Variants in KCNIP4 observed in about 807,000 individuals in gnomAD.
The protein encoded by KCNIP4 is potassium voltage-gated channel interacting protein 4, also known as Kv channel-interacting protein 4.
In KCNIP4, 12 loss-of-function variants were observed where a neutral mutation model predicts 34.0. That is an observed-to-expected ratio of 0.35 (90% CI 0.23 to 0.57). The LOEUF is 0.57. KCNIP4 is among the 20% of genes least tolerant of loss of function. KCNIP4 has a pLI of 0.83. For missense variants in KCNIP4, 238 were observed against 311.7 expected (o/e 0.76, Z 1.78); for synonymous variants, 124 against 102.2 (o/e 1.21, Z -1.29).
chr4:21,347,828 A>G (rs1717607437), intron 1 of KCNIP4, among the ~76,000 whole-genome samples: 1 of 152,056 alleles, frequency 6.6e-6, no homozygotes, highest in Non-Finnish European at 1.5e-5. Context: ...TCTCAGGGAG[A>G]TAAGAAATAA....
intron 1 of KCNIP4, among the ~76,000 whole-genome samples, chr4:21,760,412 T>C (rs2109167148): frequency 6.7e-6 from 1 of 148,510 alleles, no homozygotes; most frequent in South Asian, 2.1e-4. Context: ...AATGAAAAAC[T>C]TGGCTTAAAT....
At chr4:21,057,423 T>C (rs1288433481) in intron 1 of KCNIP4, among the ~76,000 whole-genome samples, 1 of 152,184 alleles carries the variant, frequency 6.6e-6, no homozygotes, top group Non-Finnish European at 1.5e-5. Context: ...AAACCTTTGT[T>C]AGCCTAAAAT....
intron 3 of KCNIP4, among the ~76,000 whole-genome samples, chr4:20,807,912 T>C (rs1337996912): frequency 2.0e-5 from 3 of 152,144 alleles, no homozygotes; most frequent in African/African-American, 4.8e-5. Context: ...ACAGTACATC[T>C]AACAAGTTTC....
intron 1 of KCNIP4, among the ~76,000 whole-genome samples, chr4:21,730,534 TG>T (rs1168627484): frequency 6.6e-6 from 1 of 152,010 alleles, no homozygotes; most frequent in Non-Finnish European, 1.5e-5. Context: ...GGATATATAT[TG>T]GGGGTGAGGT....
At chr4:20,749,596 A>C in intron 5 of KCNIP4, 66 bp downstream of exon 5, 1 of 1,132,872 alleles carries the variant, frequency 8.8e-7, no homozygotes, top group Non-Finnish European at 1.3e-6. Flanking sequence ...CACCAAACTC[A>C]CATTTTCCCC....
In KCNIP4 at chr4:21,614,950, C is replaced by T. The variant is rs77971892; in HGVS notation, c.61+333621G>A. ...GTCTGAAGCCATCCTGCAACTCTCA[C>T]GAGTCATCTGCTCTGAAGTAGAGCA... On this transcript the variant is annotated intron_variant, in intron 1 of 8. Coordinates refer to ENST00000382152, the MANE Select transcript of KCNIP4 (RefSeq NM_025221.6). Among the ~76,000 whole-genome samples, 1,480 of 152,174 alleles carry T rather than the reference C, an allele frequency of 9.7e-3. 16 individuals carry two copies. The highest frequency in any genetic ancestry group is 0.015 in the Non-Finnish European group (1,039 of 68,016).
chr4:21,490,133 C>A (rs1446231692), intron 1 of KCNIP4, among the ~76,000 whole-genome samples: 1 of 152,046 alleles, frequency 6.6e-6, no homozygotes, highest in Non-Finnish European at 1.5e-5. Context: ...AATTTTTATA[C>A]ATTTAATAAT....
chr4:21,909,753 G>A (rs1289249453), intron 1 of KCNIP4, among the ~76,000 whole-genome samples: 1 of 151,982 alleles, frequency 6.6e-6, no homozygotes, highest in Non-Finnish European at 1.5e-5. Flanking sequence ...AAGTGGATGG[G>A]GAGGCCTCAC....
intron 1 of KCNIP4, among the ~76,000 whole-genome samples, chr4:21,708,064 T>C (rs974585515): frequency 1.3e-5 from 2 of 151,948 alleles, no homozygotes; most frequent in African/African-American, 4.8e-5. Flanking sequence ...GGAACTGGGG[T>C]TCTAATTTCA....
chr4:21,147,962 A>AAAAAAAAAAAAAAAAAAACAAAAAAAG (rs1553945858), intron 1 of KCNIP4, among the ~76,000 whole-genome samples: 1 of 123,874 alleles, frequency 8.1e-6, no homozygotes. Flanking sequence ...AAAAAAAAAG[A>AAAAAAAAAAAAAAAAAAACAAAAAAAG]AAAAAAGTTC....
At chr4:21,650,639 T>C (rs1747414443) in intron 1 of KCNIP4, among the ~76,000 whole-genome samples, 2 of 152,176 alleles carry the variant, frequency 1.3e-5, no homozygotes, top group Admixed American at 1.3e-4. Context: ...CCAAAGGATA[T>C]TAGCTGTCTA....
intron 1 of KCNIP4, among the ~76,000 whole-genome samples, chr4:21,173,168 C>T (rs1337973506): frequency 2.0e-5 from 3 of 151,924 alleles, no homozygotes; most frequent in Admixed American, 1.3e-4. Flanking sequence ...GCAAGGGAAG[C>T]TGAAAAAAGT....
chr4:21,699,310 A>G (rs1484421220), intron 1 of KCNIP4, among the ~76,000 whole-genome samples: 2 of 152,240 alleles, frequency 1.3e-5, no homozygotes, highest in African/African-American at 4.8e-5. Context: ...TGTTCCAGAC[A>G]TGGTTCTATG....
At chr4:21,322,257 C>G (rs1325559136) in intron 1 of KCNIP4, among the ~76,000 whole-genome samples, 1 of 152,104 alleles carries the variant, frequency 6.6e-6, no homozygotes, top group Non-Finnish European at 1.5e-5. Context: ...TCTGGCAGTT[C>G]TAAGGCAGAA....
At chr4:21,449,147 T>C (rs188330513) in intron 1 of KCNIP4, among the ~76,000 whole-genome samples, 37 of 152,294 alleles carry the variant, frequency 2.4e-4, no homozygotes, top group African/African-American at 8.4e-4. Flanking sequence ...TGAAAGGACA[T>C]AACCTTGAGC....
intron 1 of KCNIP4, among the ~76,000 whole-genome samples, chr4:21,062,474 T>A (rs1744006007): frequency 6.6e-6 from 1 of 152,090 alleles, no homozygotes; most frequent in Non-Finnish European, 1.5e-5. Flanking sequence ...ATGACTGGTG[T>A]ATTAGTCAAG....
intron 1 of KCNIP4, among the ~76,000 whole-genome samples, chr4:21,687,326 A>G (rs1005985840): frequency 3.9e-5 from 6 of 152,062 alleles, no homozygotes; most frequent in Non-Finnish European, 7.4e-5. Flanking sequence ...TAAAAAAAAA[A>G]AAAAAAGAAG....
In KCNIP4 at chr4:20,797,553, C is replaced by G. The variant is rs574273472; in HGVS notation, c.289-38663G>C. Reference sequence around the variant, plus strand: ...GTACACTATACAGTTGATCTTAAGACAGAGAATTTATCCAGGTGGGTGCGA... The same window carrying G: ...GTACACTATACAGTTGATCTTAAGAGAGAGAATTTATCCAGGTGGGTGCGA... On this transcript the variant is annotated intron_variant, in intron 3 of 8. Coordinates refer to ENST00000382152, the MANE Select transcript of KCNIP4 (RefSeq NM_025221.6). Among the ~76,000 whole-genome samples the G allele has an allele frequency of 2.0e-5, 3 of 152,186 alleles. No homozygotes were observed. The South Asian group carries it at 6.2e-4, about 32-fold the overall frequency.
chr4:21,691,982 T>A (rs971692147), intron 1 of KCNIP4, among the ~76,000 whole-genome samples: 1 of 151,900 alleles, frequency 6.6e-6, no homozygotes, highest in Non-Finnish European at 1.5e-5. Flanking sequence ...ACAGGCGTGA[T>A]CCACCGCACC....
Sources: allele counts gnomAD v4.1 joint callset (sites outside exome capture counted in the v4.1 genomes callset), GRCh38; gene constraint gnomAD v4.1.1; transcripts MANE v1.5; gene names NCBI Gene and HGNC (gene_info 2026-07-23, HGNC 2026-07-21).